Variants in MRE11 observed in about 807,000 individuals in gnomAD.
The protein encoded by MRE11 is MRE11 double strand break repair nuclease, also known as double-strand break repair protein MRE11.
In MRE11, 62 loss-of-function variants were observed where a neutral mutation model predicts 91.7. That is an observed-to-expected ratio of 0.68 (90% CI 0.55 to 0.84). The LOEUF is 0.84. Among genes scored for constraint, MRE11 ranks in the 40% least tolerant of loss-of-function variants. MRE11 has a pLI of 0.00. For synonymous variants in MRE11, 273 were observed against 271.4 expected (o/e 1.01, Z -0.06); for missense variants, 796 against 852.9 (o/e 0.93, Z 0.83).
At chr11:94,423,841 C>G (rs776362460) in intron 19 of MRE11, among the ~76,000 whole-genome samples, 4 of 152,204 alleles carry the variant, frequency 2.6e-5, no homozygotes, top group Non-Finnish European at 5.9e-5. Context: ...GAGCTAAGAG[C>G]TGGGGCTGGC....
chr11:94,454,915 A>G (rs1946207927), intron 14 of MRE11, among the ~76,000 whole-genome samples: 1 of 152,178 alleles, frequency 6.6e-6, no homozygotes, highest in Non-Finnish European at 1.5e-5. Flanking sequence ...TTGGCAAACT[A>G]TTTCTATTTT....
At position 94,435,891 on chromosome 11, in the gene MRE11, C is replaced by A; in HGVS notation, c.1935G>T (p.Glu645Asp). ...CTTCTTCCACATCTGATTCATCTAC[C>A]TCAATCACCTGGCAAGGAAACAAAG... Reference protein sequence around the residue: ...VTTKNYSEVIEVDESDVEEDI... With the variant: ...VTTKNYSEVIDVDESDVEEDI... Residue 645 changes from glutamate to aspartate, a missense_variant, in exon 18 of 20, where the codon GAG becomes GAT. Glu to Asp is a conservative substitution (Grantham distance 45). Coordinates refer to ENST00000323929, the MANE Select transcript of MRE11 (RefSeq NM_005591.4). 1 of 1,613,578 alleles carries A rather than the reference C, an allele frequency of 6.2e-7. No individual in the cohort carries two copies. The highest frequency in any genetic ancestry group is 8.5e-7 in the Non-Finnish European group (1 of 1,179,758).
At chr11:94,499,768 G>C in the MRE11 span, among the ~76,000 whole-genome samples, 159 of 152,250 alleles carry the variant, frequency 1.0e-3, 2 homozygotes, top group African/African-American at 3.8e-3. Context: ...CACTCCAGGG[G>C]AAGGGAACTA....
chr11:94,466,981 G>A (rs762933804), intron 10 of MRE11, among the ~76,000 whole-genome samples: 18 of 152,096 alleles, frequency 1.2e-4, no homozygotes, highest in Non-Finnish European at 2.2e-4. Context: ...GAGACGGGAC[G>A]GATACAAATA....
At chr11:94,466,051 C>G (rs978354524) in intron 10 of MRE11, among the ~76,000 whole-genome samples, 1 of 151,932 alleles carries the variant, frequency 6.6e-6, no homozygotes, top group African/African-American at 2.4e-5. Context: ...AAGACAGAGG[C>G]TTTAGGTGGG....
At chr11:94,497,307 G>A (rs1307155727), upstream of MRE11, 4 of 382,952 alleles carry the variant, frequency 1.0e-5, no homozygotes, top group Non-Finnish European at 1.9e-5. Flanking sequence ...ATCCCTATAA[G>A]TAATATTCTT....
At chr11:94,424,871 T>G (rs190301461) in intron 19 of MRE11, among the ~76,000 whole-genome samples, 175 of 151,970 alleles carry the variant, frequency 1.2e-3, no homozygotes, top group African/African-American at 4.0e-3. Context: ...GCAAAACCTA[T>G]GACTCATTGG....
chr11:94,507,271 A>G, the MRE11 span, among the ~76,000 whole-genome samples: 1 of 152,200 alleles, frequency 6.6e-6, no homozygotes, highest in African/African-American at 2.4e-5. Context: ...CATTACATCT[A>G]TGAGATTTCT....
At chr11:94,483,381 T>A (rs945001951) in intron 4 of MRE11, among the ~76,000 whole-genome samples, 1 of 152,168 alleles carries the variant, frequency 6.6e-6, no homozygotes, top group African/African-American at 2.4e-5. Context: ...TTTCATCTTG[T>A]AGCTCCCATA....
At chr11:94,504,326 A>C in the MRE11 span, among the ~76,000 whole-genome samples, 14 of 152,184 alleles carry the variant, frequency 9.2e-5, no homozygotes, top group Non-Finnish European at 1.6e-4. Context: ...CATGGCAAGC[A>C]TAAGATGACC....
Position 94,464,088 on chromosome 11 carries a change from T to TA in MRE11, c.1225+24dup, listed in dbSNP as rs1404114398. On this transcript the variant is annotated intron_variant, in intron 11 of 19. Transcript: ENST00000323929. ...CACAAATCCTATAAGAACATTTTTT[T>TA]ACCTCATAAAAATAACTAGCTTACC... The TA allele has an allele frequency of 5.0e-6, 8 of 1,607,330 alleles. No individual in the cohort carries two copies. In the East Asian group the frequency reaches 8.9e-5, roughly 18 times the overall value.
chr11:94,455,221 G>C (rs569143), intron 14 of MRE11, among the ~76,000 whole-genome samples: 71,660 of 151,894 alleles, frequency 0.47, 17,312 homozygotes, highest in Middle Eastern at 0.58. Flanking sequence ...AAATTCTAGC[G>C]CCACTCCATG....
rs185439615 is a variant in MRE11 at position 94,471,730 on chromosome 11, G to A, written c.689C>T (p.Pro230Leu). ...AATGAAGTCATCCAAAAATTGTTCTGGAATGAAGTTAGTACTTCCATGTTT... is the reference window on the plus strand; with the variant it reads ...AATGAAGTCATCCAAAAATTGTTCTAGAATGAAGTTAGTACTTCCATGTTT... ...RSKHGSTNFI[P>L]EQFLDDFIDL... The change falls in exon 8 of 20, where the codon CCA becomes CTA. Residue 230 changes from proline to leucine, a missense_variant. Physicochemically the swap from Pro to Leu is moderately conservative, Grantham distance 98 (BLOSUM62 -3). Coordinates refer to ENST00000323929, the MANE Select transcript of MRE11 (RefSeq NM_005591.4). 30 of 1,612,002 alleles carry A rather than the reference G, an allele frequency of 1.9e-5. No homozygotes were observed. In the East Asian group the frequency reaches 6.3e-4, roughly 34 times the overall value.
the MRE11 span, among the ~76,000 whole-genome samples, chr11:94,506,414 A>G: frequency 3.9e-5 from 6 of 152,110 alleles, no homozygotes; most frequent in Non-Finnish European, 1.5e-5. Flanking sequence ...GAGAATATGC[A>G]TTGGTATATA....
At position 94,459,562 on chromosome 11, in the gene MRE11, A is replaced by G. The variant is rs1481650101; in HGVS notation, c.1346T>C (p.Leu449Pro). The change falls in exon 13 of 20, where the codon CTA (leucine) becomes CCA (proline). Residue 449 changes from leucine to proline, a missense_variant. By Grantham distance (98) the Leu-to-Pro change is moderately conservative. Transcript: ENST00000323929. ...TGCTTCACCCATCCCTCTTTCTGTT[A>G]GCAGTGAGAGCTGCACATTCTGTAA... The part of the protein sequence containing the change: ...TAEKNVQLSL[L>P]TERGMGEAVQ... The G allele has an allele frequency of 1.2e-6, 2 of 1,613,860 alleles. No individual in the cohort carries two copies.
chr11:94,437,456 G>C (rs761100405), intron 16 of MRE11, among the ~76,000 whole-genome samples: 2 of 152,154 alleles, frequency 1.3e-5, no homozygotes, highest in Non-Finnish European at 2.9e-5. Context: ...CCAGCTTATT[G>C]AGATACTGTA....
chr11:94,441,740 GC>G (rs1945783280), intron 16 of MRE11, among the ~76,000 whole-genome samples: 1 of 152,096 alleles, frequency 6.6e-6, no homozygotes, highest in Admixed American at 6.5e-5. Flanking sequence ...ACTTTGGGAG[GC>G]CGAGGCAGGA....
At chr11:94,503,269 C>G in the MRE11 span, among the ~76,000 whole-genome samples, 21 of 152,270 alleles carry the variant, frequency 1.4e-4, no homozygotes, top group Admixed American at 1.4e-3. Flanking sequence ...ATTCTACTCT[C>G]TGTTTCTAGG....
chr11:94,470,328 T>C, intron 9 of MRE11, 143 bp downstream of exon 9: 1 of 805,866 alleles, frequency 1.2e-6, no homozygotes. Context: ...ATTAAACACA[T>C]TCACTGAAGA....
Sources: allele counts gnomAD v4.1 joint callset (sites outside exome capture counted in the v4.1 genomes callset), GRCh38; gene constraint gnomAD v4.1.1; transcripts MANE v1.5; gene names NCBI Gene and HGNC (gene_info 2026-07-23, HGNC 2026-07-21).